The following PLEKHA6 variants were observed in gnomAD, a reference collection of about 807,000 sequenced individuals.
The protein encoded by PLEKHA6 is pleckstrin homology domain containing A6, also known as pleckstrin homology domain-containing family A member 6.
A neutral mutation model predicts 116.7 loss-of-function variants in PLEKHA6; 60 were observed. The ratio of observed to expected loss-of-function variants is 0.51; its 90% CI spans 0.42 to 0.64. The LOEUF is 0.64. PLEKHA6 is among the 30% of genes least tolerant of loss of function. The probability of loss-of-function intolerance (pLI) is 0.00; values close to 1 mark genes in which losing one functional copy is unlikely to be tolerated. For synonymous variants in PLEKHA6, 489 were observed against 556.1 expected, an observed-to-expected ratio of 0.88 and a Z score of 1.70; for missense variants, 1,338 against 1,422.7, an observed-to-expected ratio of 0.94 and a Z score of 0.96.
At position 204,261,500 on chromosome 1, in the gene PLEKHA6, C is replaced by G. The variant is rs374802400; in HGVS notation, c.382-52G>C. Reference sequence around the variant, plus strand: ...TGGCCTCGGCCTCATCCACCCAGCACACAGTCACCTGTTGGGAGAAGACAC... The same window carrying G: ...TGGCCTCGGCCTCATCCACCCAGCAGACAGTCACCTGTTGGGAGAAGACAC... On this transcript the variant is annotated intron_variant, in intron 6 of 22. Coordinates refer to ENST00000272203, the MANE Select transcript of PLEKHA6 (RefSeq NM_014935.5). This position sits in a 1 kb window ranked among gnomAD's most constrained non-coding sequence, Gnocchi z 4.0. 3.0e-4 allele frequency: 466 copies of G among 1,546,384 alleles called. 5 individuals are homozygous for G. The South Asian group carries it at 5.2e-3, about 17-fold the overall frequency.
At chr1:204,281,783 C>A (rs1044364502) in intron 1 of PLEKHA6, among the ~76,000 whole-genome samples, 5 of 151,096 alleles carry the variant, frequency 3.3e-5, no homozygotes, top group African/African-American at 1.2e-4. Flanking sequence ...GAAGATGGTA[C>A]CTCCCTGCCC....
At chr1:204,285,437 GT>G (rs1558138045) in intron 1 of PLEKHA6, among the ~76,000 whole-genome samples, 1 of 151,508 alleles carries the variant, frequency 6.6e-6, no homozygotes, top group East Asian at 1.9e-4. Context: ...TGGGTTTTTT[GT>G]TGTTTTTGTT....
intron 1 of PLEKHA6, among the ~76,000 whole-genome samples, chr1:204,332,359 A>T (rs1331080785): frequency 6.6e-6 from 1 of 152,076 alleles, no homozygotes; most frequent in Admixed American, 6.6e-5. Flanking sequence ...CCAGGCAGGC[A>T]GGCATCAGTC....
chr1:204,243,595 A>T (rs796741637), intron 15 of PLEKHA6, among the ~76,000 whole-genome samples: 19 of 152,144 alleles, frequency 1.2e-4, no homozygotes, highest in African/African-American at 4.6e-4. Context: ...CCTGCCTAGA[A>T]TGCCTTTCCC....
At chr1:204,264,162 A>G (rs1666494785) in intron 6 of PLEKHA6, among the ~76,000 whole-genome samples, 5 of 152,200 alleles carry the variant, frequency 3.3e-5, no homozygotes, top group Admixed American at 3.3e-4. Context: ...TGGTATTATA[A>G]TTTTATATTT....
In PLEKHA6 at chr1:204,259,892, T is replaced by A; in HGVS notation, c.525-152A>T. On this transcript the variant is annotated intron_variant, in intron 7 of 22. Transcript: ENST00000272203. The surrounding 1 kb of genome is among the most constrained non-coding windows in gnomAD (Gnocchi z 4.6). ...ATGAACTCCAGTTCTGCTTCCTAAGTCCCACCCCTTCACCTTCTCGCTCCA... is the reference window on the plus strand; with the variant it reads ...ATGAACTCCAGTTCTGCTTCCTAAGACCCACCCCTTCACCTTCTCGCTCCA... The A allele has an allele frequency of 1.3e-6, 1 of 773,338 alleles. No individual in the cohort carries two copies. The highest frequency in any genetic ancestry group is 2.0e-6 in the Non-Finnish European group (1 of 496,894). The allele number at this position is 773,338 out of a possible 1,614,324, so 47.9% of individuals were successfully genotyped here.
intron 1 of PLEKHA6, among the ~76,000 whole-genome samples, chr1:204,375,731 C>G (rs181508574): frequency 2.3e-4 from 35 of 151,974 alleles, no homozygotes; most frequent in South Asian, 4.2e-4. Context: ...AGGATGGAGT[C>G]CCGACCCCTT....
intron 1 of PLEKHA6, among the ~76,000 whole-genome samples, chr1:204,321,021 G>C (rs544613948): frequency 6.6e-6 from 1 of 152,194 alleles, no homozygotes. Flanking sequence ...TGATGAAGGG[G>C]GAGGTCCAGG....
At chr1:204,269,652 A>G (rs1667248129) in intron 3 of PLEKHA6, among the ~76,000 whole-genome samples, 1 of 151,886 alleles carries the variant, frequency 6.6e-6, no homozygotes, top group South Asian at 2.1e-4. Flanking sequence ...CACTCCCTCA[A>G]TGTCACACCC....
chr1:204,249,025 T>G, intron 11 of PLEKHA6, 55 bp from the exon 12 acceptor site: 2 of 1,589,636 alleles, frequency 1.3e-6, no homozygotes, highest in Non-Finnish European at 8.6e-7. Flanking sequence ...TCTCTGGGAT[T>G]GAACAGCAGA....
chr1:204,325,692 C>T (rs772820085), intron 1 of PLEKHA6, among the ~76,000 whole-genome samples: 37 of 152,170 alleles, frequency 2.4e-4, no homozygotes, highest in Admixed American at 1.3e-4. Context: ...CTATTAGAAA[C>T]TTCTAAAGGT....
chr1:204,286,009 G>A (rs1669135473), intron 1 of PLEKHA6, among the ~76,000 whole-genome samples: 1 of 152,142 alleles, frequency 6.6e-6, no homozygotes, highest in Non-Finnish European at 1.5e-5. Flanking sequence ...GGACAGGGTA[G>A]AGGAAGTACC....
chr1:204,277,846 C>T lies in PLEKHA6; in HGVS notation c.-94-3037G>A, dbSNP rs1029886209. The T allele has an allele frequency of 2.6e-5, 4 of 152,334 alleles. No homozygotes were observed. Among genetic ancestry groups the T allele is most frequent in the Middle Eastern group, 3.4e-3 (1 of 294 alleles). 9.4% of individuals were successfully genotyped at this position (152,334 alleles called of 1,614,324 possible). A position where few individuals can be genotyped will look rare whatever the true frequency, so the allele number is the denominator to read the frequency against. On this transcript the variant is annotated intron_variant, in intron 1 of 22. Transcript: ENST00000272203. The surrounding 1 kb of genome is among the most constrained non-coding windows in gnomAD (Gnocchi z 4.1). ...TTCCCTCCCTGTGTGGCAGTCCTAC[C>T]GATGAGAAGCAAGTCGACCAGATGG...
intron 1 of PLEKHA6, among the ~76,000 whole-genome samples, chr1:204,303,740 G>A (rs1284563247): frequency 6.6e-6 from 1 of 152,148 alleles, no homozygotes; most frequent in Non-Finnish European, 1.5e-5. Context: ...TGAGACAAGA[G>A]TCTCACTCTA....
intron 1 of PLEKHA6, chr1:204,275,017 T>A (rs1667858469): frequency 2.3e-6 from 2 of 864,760 alleles, no homozygotes. Flanking sequence ...TGAAGCCTGG[T>A]CACCTCCCAC....
At chr1:204,302,086 A>G (rs934236096) in intron 1 of PLEKHA6, among the ~76,000 whole-genome samples, 12 of 152,212 alleles carry the variant, frequency 7.9e-5, no homozygotes, top group African/African-American at 1.7e-4. Flanking sequence ...TAACATCTAC[A>G]TGAAATTCTT....
chr1:204,329,564 CGT>C (rs1243681022), intron 1 of PLEKHA6, among the ~76,000 whole-genome samples: 1 of 152,174 alleles, frequency 6.6e-6, no homozygotes, highest in Non-Finnish European at 1.5e-5. Flanking sequence ...AACCAGACAT[CGT>C]GTGCCTCCTG....
rs553763156 is a variant in PLEKHA6 at position 204,302,373 on chromosome 1, CT to C, written c.-94-27565del. Among the ~76,000 whole-genome samples, 393 of 152,332 alleles carry C rather than the reference CT, an allele frequency of 2.6e-3. 1 individual carries two copies. Among genetic ancestry groups the C allele is most frequent in the African/African-American group, 9.0e-3 (373 of 41,570 alleles). The stretch of plus-strand genomic sequence containing the variant: ...CCTTGCATGTGTCATGTTGCCCAGG[CT>C]GGTCTTTGCATTCAGGAAAAGCCAT... On this transcript the variant is annotated intron_variant, in intron 1 of 22. Coordinates refer to ENST00000272203, the MANE Select transcript of PLEKHA6 (RefSeq NM_014935.5).
chr1:204,254,207 C>T (rs905290146), intron 9 of PLEKHA6, among the ~76,000 whole-genome samples: 1 of 152,214 alleles, frequency 6.6e-6, no homozygotes, highest in Non-Finnish European at 1.5e-5. Flanking sequence ...GGATCTGTTC[C>T]CACATGGCCC....
Sources: allele counts gnomAD v4.1 joint callset (sites outside exome capture counted in the v4.1 genomes callset), GRCh38; gene constraint gnomAD v4.1.1; non-coding constraint Gnocchi (gnomAD v3.1); transcripts MANE v1.5; gene names NCBI Gene and HGNC (gene_info 2026-07-23, HGNC 2026-07-21).